The following C4orf36 variants were observed in gnomAD, a reference collection of about 807,000 sequenced individuals.
C4orf36 encodes the protein chromosome 4 open reading frame 36.
A neutral mutation model predicts 12.2 loss-of-function variants in C4orf36; 11 were observed. The ratio of observed to expected loss-of-function variants is 0.90; its 90% CI spans 0.57 to 1.49. The LOEUF (loss-of-function observed/expected upper bound fraction) is 1.49. Among genes scored for constraint, C4orf36 ranks in the 40% most tolerant of loss-of-function variants. C4orf36 has a pLI of 0.00. For missense variants in C4orf36, 137 were observed against 133.9 expected, an observed-to-expected ratio of 1.02 and a Z score of -0.11; for synonymous variants, 54 against 51.3, an observed-to-expected ratio of 1.05 and a Z score of -0.22.
the C4orf36 span, chr4:86,914,030 G>A: frequency 1.1e-5 from 17 of 1,609,268 alleles, no homozygotes; most frequent in East Asian, 1.8e-4. Flanking sequence ...CCAGCAAAAC[G>A]TCGTTGGGAT....
chr4:86,901,466 G>A, the C4orf36 span, among the ~76,000 whole-genome samples: 1 of 151,482 alleles, frequency 6.6e-6, no homozygotes, highest in Non-Finnish European at 1.5e-5. Flanking sequence ...GGAGTCCAGT[G>A]GCGCGATCTC....
the C4orf36 span, among the ~76,000 whole-genome samples, chr4:86,904,018 A>C: frequency 2.6e-5 from 4 of 152,190 alleles, no homozygotes; most frequent in Non-Finnish European, 5.9e-5. Context: ...TGGTGCATTT[A>C]CAATCCTTTA....
the C4orf36 span, among the ~76,000 whole-genome samples, chr4:86,918,161 T>C: frequency 6.6e-6 from 1 of 152,230 alleles, no homozygotes; most frequent in Non-Finnish European, 1.5e-5. Context: ...TATGCCCTCC[T>C]GACCTAATCA....
chr4:86,917,554 GAAGAGA>G, the C4orf36 span, among the ~76,000 whole-genome samples: 1 of 109,550 alleles, frequency 9.1e-6, no homozygotes, highest in South Asian at 4.1e-4. Context: ...AGTAAGGAAG[GAAGAGA>G]GAGTGAGGGA....
At chr4:86,892,481 C>A, upstream of C4orf36, 1 of 984,520 alleles carries the variant, frequency 1.0e-6, no homozygotes, top group Non-Finnish European at 1.2e-6. Context: ...CCTCCCCACC[C>A]GCCAGGGAGG....
chr4:86,887,767 G>A lies in C4orf36; in HGVS notation c.347C>T (p.Ser116Phe). The A allele has an allele frequency of 7.4e-6, 12 of 1,614,242 alleles. No individual in the cohort carries two copies. Among genetic ancestry groups the A allele is most frequent in the Non-Finnish European group, 1.0e-5 (12 of 1,180,042 alleles). ...TCAATCATGAACTGACTGTCATTTA[G>A]ATGGAAGAGGTCTTCTCAAACCGGC... ...RPAGLRRPLP[S>F]K The change falls in exon 4 of 5, where the codon TCT becomes TTT. Residue 116 changes from serine (S) to phenylalanine (F), a missense_variant. Ser to Phe is a radical substitution (Grantham distance 155, BLOSUM62 -2). Coordinates refer to ENST00000295898, the MANE Select transcript of C4orf36 (RefSeq NM_144645.4).
Position 86,892,346 on chromosome 4 carries a change from G to C in C4orf36, c.-237C>G, listed in dbSNP as rs1286051983. The C allele has an allele frequency of 5.1e-6, 5 of 985,390 alleles. No homozygotes were observed. Among genetic ancestry groups the C allele is most frequent in the Non-Finnish European group, 3.6e-6 (3 of 829,978 alleles). 61.0% of individuals were successfully genotyped at this position (985,390 alleles called of 1,614,324 possible). On this transcript the variant is annotated 5_prime_UTR_variant, in exon 1 of 5. Transcript: ENST00000295898. ...GAGGTAAGAGCGCGCTGCGCTAAGC[G>C]CACATGGCCGCGCACACGCCTCGGG...
upstream of C4orf36, among the ~76,000 whole-genome samples, chr4:86,895,537 C>T (rs1747570386): frequency 6.6e-6 from 1 of 152,140 alleles, no homozygotes; most frequent in South Asian, 2.1e-4. Flanking sequence ...ATTTGCCATC[C>T]AGGACGACTT....
At chr4:86,889,696 G>A (rs906387114) in intron 2 of C4orf36, among the ~76,000 whole-genome samples, 7 of 151,714 alleles carry the variant, frequency 4.6e-5, no homozygotes, top group Admixed American at 6.6e-5. Flanking sequence ...CAGGAGGATC[G>A]CTGGAGGCCA....
intron 2 of C4orf36, among the ~76,000 whole-genome samples, chr4:86,888,829 T>C (rs1303701503): frequency 6.6e-6 from 1 of 152,192 alleles, no homozygotes; most frequent in African/African-American, 2.4e-5. Flanking sequence ...TTCAGCCTCA[T>C]ATGCATGAAG....
At chr4:86,900,954 A>G in the C4orf36 span, among the ~76,000 whole-genome samples, 1 of 150,760 alleles carries the variant, frequency 6.6e-6, no homozygotes, top group Non-Finnish European at 1.5e-5. Context: ...AAGCCAGATC[A>G]TGTCTGTCTG....
rs915840506 is a variant in C4orf36, at chr4:86,876,407, G to C, written c.*39C>G. The C allele has an allele frequency of 1.2e-6, 2 of 1,611,700 alleles. No individual in the cohort carries two copies. Among genetic ancestry groups the C allele is most frequent in the Admixed American group, 1.7e-5 (1 of 59,808 alleles). On this transcript the variant is annotated 3_prime_UTR_variant, in exon 5 of 5. Transcript: ENST00000295898. ...CCCAGGAGAAGCAGTTCCCGCCGGC[G>C]CTGCTGAGTTTCTTCATCTACAATC...
chr4:86,919,092 CA>C, the C4orf36 span, among the ~76,000 whole-genome samples: 1 of 149,548 alleles, frequency 6.7e-6, no homozygotes, highest in South Asian at 2.1e-4. Context: ...TGTCCAAGGA[CA>C]GGAGGAGGAG....
At chr4:86,887,571 G>A (rs1747224394) in intron 4 of C4orf36, 187 bp downstream of exon 4, 1 of 518,992 alleles carries the variant, frequency 1.9e-6, no homozygotes, top group Non-Finnish European at 3.3e-6. Context: ...TGTGACACAA[G>A]GAACAAGAGT....
At chr4:86,933,042 A>T in the C4orf36 span, 9 of 152,286 alleles carry the variant, frequency 5.9e-5, no homozygotes, top group Middle Eastern at 3.4e-3. Context: ...GATATAAAAA[A>T]TTTTTTAAAG....
the C4orf36 span, among the ~76,000 whole-genome samples, chr4:86,917,136 TG>T: frequency 1.3e-4 from 20 of 152,072 alleles, no homozygotes; most frequent in East Asian, 1.2e-3. Context: ...CAAAATTAGC[TG>T]GGCTTGGTGG....
the C4orf36 span, among the ~76,000 whole-genome samples, chr4:86,906,965 AG>A: frequency 6.6e-5 from 10 of 151,936 alleles, no homozygotes; most frequent in Non-Finnish European, 1.3e-4. Context: ...GCTTGAACCC[AG>A]GGGGCGGAGG....
chr4:86,876,786 TA>T (rs72349471), intron 4 of C4orf36: 916 of 1,355,964 alleles, frequency 6.8e-4, no homozygotes, highest in Admixed American at 1.1e-3. Context: ...AATTTTAAAA[TA>T]AAAAAAAAGA....
the C4orf36 span, among the ~76,000 whole-genome samples, chr4:86,919,315 C>CTTTT: frequency 4.4e-3 from 362 of 81,420 alleles, 1 homozygote; most frequent in Non-Finnish European, 5.3e-3. Flanking sequence ...TTTTTTCCCC[C>CTTTT]TTTTTTTTTT....
Sources: allele counts gnomAD v4.1 joint callset (sites outside exome capture counted in the v4.1 genomes callset), GRCh38; gene constraint gnomAD v4.1.1; transcripts MANE v1.5; gene names NCBI Gene and HGNC (gene_info 2026-07-23, HGNC 2026-07-21).